The following TBC1D22A variants were observed in gnomAD, a reference collection of about 807,000 sequenced individuals.
TBC1D22A encodes putative GTPase activator.
In TBC1D22A, 38 loss-of-function variants were observed where a neutral mutation model predicts 60.2. The observed-to-expected ratio is 0.63, with a 90% CI of 0.49 to 0.83. The LOEUF (loss-of-function observed/expected upper bound fraction) is 0.83. TBC1D22A is among the 40% of genes least tolerant of loss of function. TBC1D22A has a pLI of 0.00. For synonymous variants in TBC1D22A, 302 were observed against 281.7 expected (o/e 1.07, Z -0.72); for missense variants, 628 against 701.0 (o/e 0.90, Z 1.18).
intron 1 of TBC1D22A, among the ~76,000 whole-genome samples, chr22:46,770,111 G>A (rs1159824792): frequency 6.6e-6 from 1 of 152,212 alleles, no homozygotes; most frequent in Non-Finnish European, 1.5e-5. Flanking sequence ...TGGGCCCAGT[G>A]TAACCTCACG....
intron 12 of TBC1D22A, among the ~76,000 whole-genome samples, chr22:47,156,080 T>C (rs1198365500): frequency 6.6e-6 from 1 of 152,124 alleles, no homozygotes; most frequent in East Asian, 1.9e-4. Flanking sequence ...ACGTGGAGTT[T>C]CCTGTCCTCC....
chr22:46,831,442 C>T (rs74323186), intron 4 of TBC1D22A, among the ~76,000 whole-genome samples: 25 of 152,220 alleles, frequency 1.6e-4, no homozygotes, highest in African/African-American at 5.5e-4. Flanking sequence ...AGCACAAGCA[C>T]GTGGCTTGTG....
intron 8 of TBC1D22A, among the ~76,000 whole-genome samples, chr22:46,941,816 A>ATG (rs748901524): frequency 0.12 from 11,627 of 101,094 alleles, 1,019 homozygotes; most frequent in African/African-American, 0.27. Flanking sequence ...TATAGAATAT[A>ATG]TATAGAATAT....
intron 4 of TBC1D22A, among the ~76,000 whole-genome samples, chr22:46,845,940 G>A (rs537453164): frequency 2.0e-5 from 3 of 152,364 alleles, no homozygotes; most frequent in East Asian, 1.9e-4. Context: ...CAGTCGGCCC[G>A]CAGGAGCAGC....
At chr22:47,165,520 G>GGAGCAGGCATGTCGCCTGCCTGGCTCTA (rs376103215) in intron 12 of TBC1D22A, among the ~76,000 whole-genome samples, 10 of 152,122 alleles carry the variant, frequency 6.6e-5, no homozygotes, top group Non-Finnish European at 1.2e-4. Flanking sequence ...GCTGGGCTCT[G>GGAGCAGGCATGTCGCCTGCCTGGCTCTA]GAGCAGGCAT....
chr22:47,173,835 A>G lies in TBC1D22A; in HGVS notation c.*209A>G, dbSNP rs2068583702. 2 of 800,024 alleles carry G rather than the reference A, an allele frequency of 2.5e-6. No homozygotes were observed. The highest frequency in any genetic ancestry group is 3.7e-6 in the Non-Finnish European group (2 of 540,198). The allele number at this position is 800,024 out of a possible 1,614,324, so 49.6% of individuals were successfully genotyped here. A position where few individuals can be genotyped will look rare whatever the true frequency, so the allele number is the denominator to read the frequency against. ...GCCTTTGTTTTCTGAGATACCAAAG[A>G]GAGCCAGGGGAGGGCCCCGGGTTCG... On this transcript the variant is annotated 3_prime_UTR_variant, in exon 13 of 13. Coordinates refer to ENST00000337137, the MANE Select transcript of TBC1D22A (RefSeq NM_014346.5).
chr22:47,088,809 C>T (rs546774665), intron 11 of TBC1D22A, among the ~76,000 whole-genome samples: 28 of 152,298 alleles, frequency 1.8e-4, no homozygotes, highest in African/African-American at 5.8e-4. Flanking sequence ...GCAGCATCAC[C>T]AGGAAGGAGA....
At chr22:47,101,699 G>T (rs1205311283) in intron 11 of TBC1D22A, among the ~76,000 whole-genome samples, 1 of 152,240 alleles carries the variant, frequency 6.6e-6, no homozygotes, top group Non-Finnish European at 1.5e-5. Context: ...CCCAGCACTG[G>T]AGGCCAATGT....
intron 4 of TBC1D22A, among the ~76,000 whole-genome samples, chr22:46,800,793 C>G (rs149501807): frequency 1.1e-3 from 168 of 152,242 alleles, no homozygotes; most frequent in African/African-American, 3.7e-3. Context: ...GATTTTTGTG[C>G]TATTGACGTA....
At chr22:46,768,258 G>A (rs1414021727) in intron 1 of TBC1D22A, 3 of 152,388 alleles carry the variant, frequency 2.0e-5, no homozygotes, top group Non-Finnish European at 2.9e-5. Context: ...GCTGAGGTGG[G>A]TGGATCACTT....
chr22:47,124,112 CAGAG>C (rs2066367855), intron 12 of TBC1D22A, among the ~76,000 whole-genome samples: 1 of 152,080 alleles, frequency 6.6e-6, no homozygotes, highest in African/African-American at 2.4e-5. Flanking sequence ...GTGGGAGCGG[CAGAG>C]AGAGAAGGGG....
At chr22:46,919,224 T>G (rs2070584627) in intron 8 of TBC1D22A, among the ~76,000 whole-genome samples, 1 of 152,226 alleles carries the variant, frequency 6.6e-6, no homozygotes, top group Non-Finnish European at 1.5e-5. Flanking sequence ...TGGATTTGCT[T>G]CTTCTGGACA....
rs965709181 is a variant in TBC1D22A, at chr22:46,777,942, C to T, written c.63-14578C>T. 8.5e-5 allele frequency among the ~76,000 whole-genome samples: 13 copies of T among 152,176 alleles called. No homozygotes were observed. Among genetic ancestry groups the T allele is most frequent in the African/African-American group, 1.9e-4 (8 of 41,432 alleles). On this transcript the variant is annotated intron_variant, in intron 1 of 12. Transcript: ENST00000337137. The surrounding 1 kb of genome is among the most constrained non-coding windows in gnomAD (Gnocchi z 4.5). ...GCTGCACACCTAGGCTGTACGGCAC[C>T]GTCTGTTGCTCTGAGGCTATGTGCC...
chr22:46,952,559 G>A lies in TBC1D22A; in HGVS notation c.1016-21731G>A, dbSNP rs189642896. Among the ~76,000 whole-genome samples the A allele has an allele frequency of 6.4e-4, 98 of 152,252 alleles. 2 individuals are homozygous for A. The highest frequency in any genetic ancestry group is 2.3e-3 in the African/African-American group (94 of 41,552). ...TGTTGGCCTGCAAGGTTAAGATGTC[G>A]TGCTCTGAAATGTCAGCTTTCTAGC... On this transcript the variant is annotated intron_variant, in intron 8 of 12. Transcript: ENST00000337137.
intron 5 of TBC1D22A, among the ~76,000 whole-genome samples, chr22:46,890,171 C>T (rs901370321): frequency 2.0e-5 from 3 of 151,880 alleles, no homozygotes; most frequent in African/African-American, 2.4e-5. Context: ...TAGTGAAACC[C>T]GTACTAAAAA....
chr22:46,910,862 C>T (rs1057053724), intron 7 of TBC1D22A, among the ~76,000 whole-genome samples: 2 of 147,622 alleles, frequency 1.4e-5, no homozygotes, highest in South Asian at 2.1e-4. Flanking sequence ...AGGGTGCGGG[C>T]GTGGCAGGCT....
At position 46,997,647 on chromosome 22, in the gene TBC1D22A, T is replaced by A; in HGVS notation, c.1139T>A (p.Phe380Tyr). The A allele has an allele frequency of 6.2e-7, 1 of 1,613,994 alleles. No homozygotes were observed. The highest frequency in any genetic ancestry group is 8.5e-7 in the Non-Finnish European group (1 of 1,179,954). Reference protein sequence around the residue: ...LLDGIQDNYTFAQPGIQMKVK... With the variant: ...LLDGIQDNYTYAQPGIQMKVK... ...TTTTTTCCTTAGGACAACTACACCT[T>A]TGCCCAACCTGGGATTCAAATGAAA... The change falls in exon 10 of 13, where the codon TTT becomes TAT. Residue 380 changes from phenylalanine to tyrosine, a missense_variant. Transcript: ENST00000337137.
At chr22:47,099,804 C>T (rs1281363373) in intron 11 of TBC1D22A, among the ~76,000 whole-genome samples, 1 of 152,176 alleles carries the variant, frequency 6.6e-6, no homozygotes, top group Non-Finnish European at 1.5e-5. Flanking sequence ...CTCACATGGC[C>T]CATTCTGTGT....
At chr22:47,058,027 C>T (rs1017884820) in intron 11 of TBC1D22A, among the ~76,000 whole-genome samples, 1 of 152,180 alleles carries the variant, frequency 6.6e-6, no homozygotes, top group Non-Finnish European at 1.5e-5. Context: ...GCCTCGACCC[C>T]CCTTGGGCTG....
Sources: allele counts gnomAD v4.1 joint callset (sites outside exome capture counted in the v4.1 genomes callset), GRCh38; gene constraint gnomAD v4.1.1; non-coding constraint Gnocchi (gnomAD v3.1); transcripts MANE v1.5; gene names NCBI Gene and HGNC (gene_info 2026-07-23, HGNC 2026-07-21).